ZNF273: variants seen among roughly 807,000 people sequenced by gnomAD.
The protein encoded by ZNF273 is zinc finger protein 9.
Under a neutral mutation model 14.9 loss-of-function variants are expected in ZNF273, and 11 were observed. The ratio of observed to expected loss-of-function variants is 0.74; its 90% CI spans 0.46 to 1.22. The LOEUF (loss-of-function observed/expected upper bound fraction) is 1.22, where lower values mean the gene tolerates loss of function less well. Ranked by LOEUF, ZNF273 falls within the 50% of genes most tolerant of loss-of-function variation. The pLI is 0.00. For synonymous variants in ZNF273, 199 were observed against 223.9 expected, an observed-to-expected ratio of 0.89 and a Z score of 0.99; for missense variants, 577 against 660.6, an observed-to-expected ratio of 0.87 and a Z score of 1.39.
intron 2 of ZNF273, among the ~76,000 whole-genome samples, chr7:64,917,981 C>T (rs886123769): frequency 6.6e-6 from 1 of 152,016 alleles, no homozygotes; most frequent in Non-Finnish European, 1.5e-5. Flanking sequence ...AATCTAATTG[C>T]CACCACTAAT....
chr7:64,916,370 T>TA lies in ZNF273; in HGVS notation c.103-1192dup, dbSNP rs71061327. 6.8e-3 allele frequency among the ~76,000 whole-genome samples: 838 copies of TA among 122,882 alleles called. 13 individuals are homozygous for TA. The highest frequency in any genetic ancestry group is 0.02 in the Admixed American group (254 of 12,566). The allele number at this position is 122,882 out of a possible 152,430, so 80.6% of individuals were successfully genotyped here. A position where few individuals can be genotyped will look rare whatever the true frequency, so the allele number is the denominator to read the frequency against. Reference sequence around the variant, plus strand: ...TGAAACCCCATCTCTACTAAAAATGTAAAAAAAAAAAAAAAAAAATTAGCT... The same window carrying TA: ...TGAAACCCCATCTCTACTAAAAATGTAAAAAAAAAAAAAAAAAAAATTAGCT... On this transcript the variant is annotated intron_variant, in intron 1 of 3. Transcript: ENST00000476120.
rs1312089025 is a variant in ZNF273 at position 64,929,816 on chromosome 7, T to C, written c.*778T>C. The C allele has an allele frequency of 6.5e-6, 1 of 152,730 alleles. No homozygotes were observed. Among genetic ancestry groups the C allele is most frequent in the Non-Finnish European group, 1.5e-5 (1 of 68,794 alleles). The allele number at this position is 152,730 out of a possible 1,614,324, so 9.5% of individuals were successfully genotyped here. On this transcript the variant is annotated 3_prime_UTR_variant, in exon 4 of 4. Transcript: ENST00000476120. ...AAAAGTGAATAATGTAATTCAACTC[T>C]CAAATTCATGGTTTTTTTTTTTTTG...
At chr7:64,889,219 G>C (rs1791805591), downstream of ZNF273, 2 of 985,718 alleles carry the variant, frequency 2.0e-6, no homozygotes, top group African/African-American at 1.7e-5. The surrounding 1 kb of genome is among the most constrained non-coding windows in gnomAD (Gnocchi z 4.2). Context: ...CTTGTGGAGA[G>C]GGGCTGGCGC....
At chr7:64,894,973 CA>C (rs34032021) in intron 3 of ZNF273, among the ~76,000 whole-genome samples, 82,507 of 144,254 alleles carry the variant, frequency 0.57, 23,239 homozygotes, top group African/African-American at 0.69. Context: ...ACTAAAAATA[CA>C]AAAAAAAAAA....
rs776986365 is a variant in ZNF273 at position 64,929,003 on chromosome 7, A to G, written c.1675A>G (p.Arg559Gly). 33 of 1,561,824 alleles carry G rather than the reference A, an allele frequency of 2.1e-5. No homozygotes were observed. Among genetic ancestry groups the G allele is most frequent in the Non-Finnish European group, 2.8e-5 (33 of 1,159,190 alleles). ...SAFDNTPNFS[R>G]HKRNHMGEKS ...TTTTGACAACACCCCAAACTTTTCTAGACATAAAAGAAATCATATGGGTGA... is the reference window on the plus strand; with the variant it reads ...TTTTGACAACACCCCAAACTTTTCTGGACATAAAAGAAATCATATGGGTGA... The change falls in exon 4 of 4, where the codon AGA becomes GGA. Residue 559 changes from arginine to glycine, a missense_variant. Coordinates refer to ENST00000476120, the MANE Select transcript of ZNF273 (RefSeq NM_021148.3).
rs1022763098 is a variant in ZNF273, at chr7:64,930,517, T to C, written c.*1479T>C. 1 of 152,218 alleles carries C rather than the reference T, an allele frequency of 6.6e-6. No homozygotes were observed. Among genetic ancestry groups the C allele is most frequent in the Admixed American group, 6.5e-5 (1 of 15,288 alleles). 9.4% of individuals were successfully genotyped at this position (152,218 alleles called of 1,614,324 possible). A position where few individuals can be genotyped will look rare whatever the true frequency, so the allele number is the denominator to read the frequency against. On this transcript the variant is annotated 3_prime_UTR_variant, in exon 4 of 4. Transcript: ENST00000476120. The stretch of plus-strand genomic sequence containing the variant: ...ATGTATGAACTTAGATTTTTAAACA[T>C]GTTTTAACATGTTAAGACTTGTGCA...
chr7:64,906,560 C>G (rs1238914397), intron 1 of ZNF273, among the ~76,000 whole-genome samples: 3 of 152,246 alleles, frequency 2.0e-5, no homozygotes, highest in South Asian at 2.1e-4. Flanking sequence ...CCCAGTGACT[C>G]TAAGCTAAGG....
chr7:64,925,430 GT>G (rs1278972346), intron 3 of ZNF273, among the ~76,000 whole-genome samples: 4 of 150,092 alleles, frequency 2.7e-5, no homozygotes, highest in Admixed American at 1.3e-4. Flanking sequence ...TGCATACAAA[GT>G]TTTTTTGTTT....
Position 64,928,154 on chromosome 7 carries a change from A to G in ZNF273, c.826A>G (p.Thr276Ala). The G allele has an allele frequency of 3.1e-6, 5 of 1,613,310 alleles. No individual in the cohort carries two copies. Among genetic ancestry groups the G allele is most frequent in the Non-Finnish European group, 4.2e-6 (5 of 1,179,772 alleles). ...ECGKAFNQSLTLTKHKKIHTE... is the reference protein window; with the variant it reads ...ECGKAFNQSLALTKHKKIHTE... ...TGGCAAAGCCTTTAACCAGTCCTTA[A>G]CTCTTACTAAACATAAAAAAATTCA... The change falls in exon 4 of 4, where the codon ACT becomes GCT. Residue 276 changes from threonine (T) to alanine (A), a missense_variant. Thr to Ala is a moderately conservative substitution (Grantham distance 58). This residue lies in a region of ZNF273 where 411 missense variants were observed against 440.4 expected (regional missense o/e 0.93). Transcript: ENST00000476120.
intron 3 of ZNF273, among the ~76,000 whole-genome samples, chr7:64,919,384 TGTAATCTCAGCATGTTGG>T (rs1431539573): frequency 6.6e-6 from 1 of 152,170 alleles, no homozygotes; most frequent in African/African-American, 2.4e-5. Context: ...TGCTCACGTC[TGTAATCTCAGCATGTTGG>T]GAGGCTGAGG....
At chr7:64,890,912 T>C (rs114896172), downstream of ZNF273, among the ~76,000 whole-genome samples, 1,400 of 152,344 alleles carry the variant, frequency 9.2e-3, 16 homozygotes, top group African/African-American at 0.032. Flanking sequence ...AATTTGCCTG[T>C]GTGCCAACAG....
In ZNF273 at chr7:64,927,999, A is replaced by G. The variant is rs1379386021; in HGVS notation, c.671A>G (p.His224Arg). 2.5e-6 allele frequency: 4 copies of G among 1,614,062 alleles called. No homozygotes were observed. The highest frequency in any genetic ancestry group is 4.5e-5 in the East Asian group (2 of 44,834). The change falls in exon 4 of 4, where the codon CAT (histidine) becomes CGT (arginine). Residue 224 changes from histidine to arginine, a missense_variant. Coordinates refer to ENST00000476120, the MANE Select transcript of ZNF273 (RefSeq NM_021148.3). ...SCCILSQLTQ[H>R]KKTATRVNFY... ...TGCATACTTTCACAACTAACTCAGC[A>G]TAAGAAAACTGCTACTAGAGTGAAT...
At chr7:64,911,872 A>C (rs1246283389) in intron 1 of ZNF273, among the ~76,000 whole-genome samples, 2 of 152,132 alleles carry the variant, frequency 1.3e-5, no homozygotes, top group Non-Finnish European at 2.9e-5. Flanking sequence ...TAATGGCATA[A>C]ATTTCCCTCT....
chr7:64,900,011 C>T (rs146034406), upstream of ZNF273, among the ~76,000 whole-genome samples: 381 of 152,196 alleles, frequency 2.5e-3, no homozygotes, highest in African/African-American at 7.7e-3. Flanking sequence ...CCGCCTGCCT[C>T]GGCCTCCCAA....
chr7:64,900,929 T>C (rs776162968), upstream of ZNF273, among the ~76,000 whole-genome samples: 2 of 152,208 alleles, frequency 1.3e-5, no homozygotes, highest in Non-Finnish European at 2.9e-5. Context: ...TAACTCTGTG[T>C]GTGTCCATGT....
exon 2 of ZNF273, chr7:64,888,748 G>A: frequency 1.0e-6 from 1 of 985,790 alleles, no homozygotes; most frequent in South Asian, 4.7e-5. Context: ...ACCCAGCCCC[G>A]CAGAGCCGGA....
chr7:64,880,446 C>A (rs1175272791), downstream of ZNF273, among the ~76,000 whole-genome samples: 3 of 152,154 alleles, frequency 2.0e-5, no homozygotes, highest in South Asian at 4.2e-4. Flanking sequence ...CAGAAACTGC[C>A]GGGCTGGGTG....
intron 1 of ZNF273, among the ~76,000 whole-genome samples, chr7:64,878,077 G>GATGTGGCTC (rs1281681091): frequency 6.6e-6 from 1 of 152,116 alleles, no homozygotes; most frequent in Admixed American, 6.6e-5. Context: ...CTGCTGAAAG[G>GATGTGGCTC]ATGTGGCTCA....
chr7:64,912,826 G>GTTTTGTTTTTTGTTTTTTTTTTTTTTTTT (rs746174998), intron 1 of ZNF273, among the ~76,000 whole-genome samples: 2 of 36,568 alleles, frequency 5.5e-5, no homozygotes, highest in African/African-American at 8.2e-5. Context: ...ATTCATTTTA[G>GTTTTGTTTTTTGTTTTTTTTTTTTTTTTT]TTTTTTTTTT....
Sources: gnomAD v4.1 joint callset for allele counts (sites outside exome capture counted in the v4.1 genomes callset) on GRCh38, gnomAD v4.1.1 for gene constraint, gnomAD v4.1.1 regional missense constraint, Gnocchi (gnomAD v3.1) non-coding constraint, MANE v1.5 for transcripts, NCBI Gene and HGNC (gene_info 2026-07-23, HGNC 2026-07-21) for gene names.